Variants in VPS13D observed in about 807,000 individuals in gnomAD.
VPS13D encodes the protein vacuolar protein sorting 13 homolog D, also known as intermembrane lipid transfer protein VPS13D.
In VPS13D, 187 loss-of-function variants were observed where a neutral mutation model predicts 461.9. The observed-to-expected ratio is 0.40, with a 90% confidence interval of 0.36 to 0.46. VPS13D has a LOEUF of 0.46. VPS13D is among the 20% of genes least tolerant of loss of function. The pLI is 0.60. For synonymous variants in VPS13D, 1,951 were observed against 1,986.3 expected (o/e 0.98, Z 0.47); for missense variants, 4,711 against 5,364.9 (o/e 0.88, Z 3.81).
At chr1:12,303,325 A>G (rs937764528) in intron 25 of VPS13D, among the ~76,000 whole-genome samples, 1 of 152,224 alleles carries the variant, frequency 6.6e-6, no homozygotes, top group Admixed American at 6.5e-5. Flanking sequence ...TTTCTCAACC[A>G]TAGCTTATGC....
At chr1:12,372,243 T>G (rs781525839) in intron 54 of VPS13D, among the ~76,000 whole-genome samples, 2 of 152,030 alleles carry the variant, frequency 1.3e-5, no homozygotes, top group Non-Finnish European at 2.9e-5. Context: ...TTTTTTTTGG[T>G]AGAGACAGGG....
At chr1:12,350,617 A>G (rs1180129565) in intron 46 of VPS13D, among the ~76,000 whole-genome samples, 1 of 152,206 alleles carries the variant, frequency 6.6e-6, no homozygotes, top group Non-Finnish European at 1.5e-5. Context: ...AAAAAAGAAA[A>G]GAAAATGAAG....
Position 12,299,134 on chromosome 1 carries a change from C to G in VPS13D, c.6034-68C>G. ...ATAAACTCACGAAACTTTTGGGAAC[C>G]TGAGGTTATTTGGTGGTAAAATTAG... On this transcript the variant is annotated intron_variant, in intron 24 of 69. Coordinates refer to ENST00000620676, the MANE Select transcript of VPS13D (RefSeq NM_015378.4). This position sits in a 1 kb window ranked among gnomAD's most constrained non-coding sequence, Gnocchi z 4.2. 5.5e-6 allele frequency: 8 copies of G among 1,455,010 alleles called. No individual in the cohort carries two copies. In the South Asian group the frequency reaches 1.2e-4, roughly 22 times the overall value. 90.1% of individuals were successfully genotyped at this position (1,455,010 alleles called of 1,614,324 possible).
At position 12,378,571 on chromosome 1, in the gene VPS13D, C is replaced by T. The variant is rs144641446; in HGVS notation, c.11061C>T (p.Leu3687=). 1.8e-4 allele frequency: 292 copies of T among 1,588,314 alleles called. No individual in the cohort carries two copies. In the African/African-American group the frequency reaches 3.4e-3, roughly 18 times the overall value. Residue 3687 remains leucine (L), a synonymous_variant, in exon 56 of 70, where the codon CTC becomes CTT. Coordinates refer to ENST00000620676, the MANE Select transcript of VPS13D (RefSeq NM_015378.4). ...EGSAILDIAG[L]AAVTDNRYEP... is the part of the protein sequence containing the mutation. ...CTGCCATCTTAGATATTGCTGGTCTCGCTGCAGTGACTGACAACAGGTAAT... is the reference window on the plus strand; with the variant it reads ...CTGCCATCTTAGATATTGCTGGTCTTGCTGCAGTGACTGACAACAGGTAAT...
intron 67 of VPS13D, among the ~76,000 whole-genome samples, chr1:12,491,995 T>G (rs978563074): frequency 6.6e-6 from 1 of 152,038 alleles, no homozygotes; most frequent in African/African-American, 2.4e-5. Flanking sequence ...CTAGGTTGAG[T>G]GTTGGTTCAT....
chr1:12,383,183 G>A (rs1024098305), intron 58 of VPS13D, 28 bp downstream of exon 58: 10 of 1,590,814 alleles, frequency 6.3e-6, no homozygotes, highest in Admixed American at 1.8e-5. Flanking sequence ...GAGCTGATGT[G>A]AAACTCTGTA....
chr1:12,303,553 AAAAT>A (rs1642481505), intron 25 of VPS13D, among the ~76,000 whole-genome samples: 1 of 152,250 alleles, frequency 6.6e-6, no homozygotes, highest in African/African-American at 2.4e-5. Flanking sequence ...GCCTTGCAAA[AAAAT>A]AAAAAAATTG....
At chr1:12,454,131 C>T (rs567838975) in intron 65 of VPS13D, among the ~76,000 whole-genome samples, 1 of 152,288 alleles carries the variant, frequency 6.6e-6, no homozygotes, top group South Asian at 2.1e-4. Context: ...ATGCTTCCAG[C>T]CACATGACAA....
In VPS13D at chr1:12,258,040, T is replaced by C. The variant is rs1640975319; in HGVS notation, c.1047T>C (p.Ala349=). Residue 349 remains alanine, a synonymous_variant, in exon 10 of 70, where the codon GCT becomes GCC. Coordinates refer to ENST00000620676, the MANE Select transcript of VPS13D (RefSeq NM_015378.4). ...TTATGTTGCACCGCGCTCGTGATGC[T>C]GTATCTTACACTGACAAATATTTCA... is the stretch of plus-strand genomic sequence containing the variant. ...WDFMLHRARD[A]VSYTDKYFNK... 1 of 1,614,246 alleles carries C rather than the reference T, an allele frequency of 6.2e-7. No individual in the cohort carries two copies. Among genetic ancestry groups the C allele is most frequent in the South Asian group, 1.1e-5 (1 of 91,092 alleles).
intron 65 of VPS13D, among the ~76,000 whole-genome samples, chr1:12,441,817 TG>T: frequency 6.6e-6 from 1 of 152,234 alleles, no homozygotes; most frequent in Non-Finnish European, 1.5e-5. Context: ...AAAGTCTATG[TG>T]GAAGGAATTA....
intron 66 of VPS13D, among the ~76,000 whole-genome samples, chr1:12,459,002 C>T (rs920432677): frequency 1.3e-5 from 2 of 152,180 alleles, no homozygotes; most frequent in Non-Finnish European, 2.9e-5. Flanking sequence ...TTTATATAAT[C>T]GCCGATACCG....
At chr1:12,503,274 C>T (rs1463838190) in intron 68 of VPS13D, among the ~76,000 whole-genome samples, 7 of 152,184 alleles carry the variant, frequency 4.6e-5, no homozygotes, top group African/African-American at 7.2e-5. Flanking sequence ...AAGAAACTTT[C>T]TGACACTGAG....
At chr1:12,475,489 C>T (rs1210135235) in intron 67 of VPS13D, among the ~76,000 whole-genome samples, 2 of 151,930 alleles carry the variant, frequency 1.3e-5, no homozygotes, top group African/African-American at 2.4e-5. Context: ...TATGGCAGCC[C>T]GATAATGGAT....
Position 12,373,804 on chromosome 1 carries a change from G to T in VPS13D, c.10863G>T (p.Ala3621=). ...PVASNKAITC[A]ELVLDVSPKT... ...CTTCCAACAAGGCCATTACCTGTGC[G>T]GAGCTCGTTTTGGATGTCTCACCCA... Residue 3621 remains alanine, a synonymous_variant, in exon 55 of 70, where the codon GCG becomes GCT. Transcript: ENST00000620676. 1 of 1,604,938 alleles carries T rather than the reference G, an allele frequency of 6.2e-7. No individual in the cohort carries two copies. Among genetic ancestry groups the T allele is most frequent in the Middle Eastern group, 1.7e-4 (1 of 6,030 alleles).
chr1:12,442,849 A>G (rs929111966), intron 65 of VPS13D, among the ~76,000 whole-genome samples: 1 of 152,218 alleles, frequency 6.6e-6, no homozygotes, highest in African/African-American at 2.4e-5. Flanking sequence ...TCGGCCTCCC[A>G]AAGTGCTGGG....
chr1:12,260,931 C>G lies in VPS13D; in HGVS notation c.1213-17C>G. On this transcript the variant is annotated splice_polypyrimidine_tract_variant and intron_variant, in intron 11 of 69. Coordinates refer to ENST00000620676, the MANE Select transcript of VPS13D (RefSeq NM_015378.4). ...TATCTTTGAGTACTCATCTCTGCTC[C>G]TTTGTGATTGACACAGAGTCTGCGG... 6.2e-7 allele frequency: 1 copy of G among 1,614,102 alleles called. No homozygotes were observed. The highest frequency in any genetic ancestry group is 8.5e-7 in the Non-Finnish European group (1 of 1,179,996).
At chr1:12,296,350 G>A (rs1355564672) in intron 24 of VPS13D, among the ~76,000 whole-genome samples, 1 of 152,042 alleles carries the variant, frequency 6.6e-6, no homozygotes, top group African/African-American at 2.4e-5. Flanking sequence ...CTTTTTATTT[G>A]ATATAAAATG....
intron 60 of VPS13D, among the ~76,000 whole-genome samples, chr1:12,399,811 C>T (rs577074849): frequency 2.0e-5 from 3 of 151,970 alleles, no homozygotes; most frequent in Non-Finnish European, 4.4e-5. Context: ...AAGAGTGAAA[C>T]TGTCTCAGAA....
chr1:12,473,382 AG>A lies in VPS13D; in HGVS notation c.12662+12990del, dbSNP rs1645587816. Among the ~76,000 whole-genome samples, 1 of 152,234 alleles carries A rather than the reference AG, an allele frequency of 6.6e-6. No homozygotes were observed. Among genetic ancestry groups the A allele is most frequent in the African/African-American group, 2.4e-5 (1 of 41,464 alleles). On this transcript the variant is annotated intron_variant, in intron 67 of 69. Coordinates refer to ENST00000620676, the MANE Select transcript of VPS13D (RefSeq NM_015378.4). This position sits in a 1 kb window ranked among gnomAD's most constrained non-coding sequence, Gnocchi z 4.2. ...AACCACGCATTTGCAGGAAGCAAGAAGGGGTTCCGCAGCACTGGCTGCTTCC... is the reference window on the plus strand; with the variant it reads ...AACCACGCATTTGCAGGAAGCAAGAAGGGTTCCGCAGCACTGGCTGCTTCC...
Sources: gnomAD v4.1 joint callset for allele counts (sites outside exome capture counted in the v4.1 genomes callset) on GRCh38, gnomAD v4.1.1 for gene constraint, Gnocchi (gnomAD v3.1) non-coding constraint, MANE v1.5 for transcripts, NCBI Gene and HGNC (gene_info 2026-07-23, HGNC 2026-07-21) for gene names.